Variants in TSEN15 observed in about 807,000 individuals in gnomAD.
The protein encoded by TSEN15 is tRNA-splicing endonuclease subunit Sen15.
TSEN15 carries 10 observed loss-of-function variants against 20.5 expected under a neutral mutation model. The observed-to-expected ratio is 0.49, with a 90% CI of 0.30 to 0.83. The LOEUF (loss-of-function observed/expected upper bound fraction) is 0.83, where lower values mean the gene tolerates loss of function less well. Ranked by LOEUF, TSEN15 falls within the 40% of genes least tolerant of loss-of-function variation. The probability of loss-of-function intolerance (pLI) is 0.06; values close to 1 mark genes in which losing one functional copy is unlikely to be tolerated. For missense variants in TSEN15, 180 were observed against 218.6 expected, an observed-to-expected ratio of 0.82 and a Z score of 1.11; for synonymous variants, 72 against 80.1, an observed-to-expected ratio of 0.90 and a Z score of 0.54.
chr1:184,081,163 G>A (rs1210152646), intron 3 of TSEN15, among the ~76,000 whole-genome samples: 1 of 152,178 alleles, frequency 6.6e-6, no homozygotes, highest in East Asian at 1.9e-4. Context: ...AGTGGCATGT[G>A]TTAAAAGCTT....
At chr1:184,063,504 C>G (rs533309900) in intron 3 of TSEN15, among the ~76,000 whole-genome samples, 13 of 152,260 alleles carry the variant, frequency 8.5e-5, no homozygotes, top group South Asian at 2.1e-4. Context: ...TGGTGATTTG[C>G]TTAATCTGAT....
chr1:184,075,905 TATA>T (rs1651050027), downstream of TSEN15, among the ~76,000 whole-genome samples: 1 of 99,050 alleles, frequency 1.0e-5, no homozygotes, highest in Non-Finnish European at 2.1e-5. Context: ...TATATATATA[TATA>T]TATTTTTTTT....
downstream of TSEN15, among the ~76,000 whole-genome samples, chr1:184,076,298 T>G (rs950659876): frequency 3.3e-5 from 5 of 152,084 alleles, no homozygotes; most frequent in Non-Finnish European, 7.4e-5. Context: ...TGGTGATCTG[T>G]TTTTCAGGGA....
rs537031543 is a variant in TSEN15 at position 184,056,795 on chromosome 1, T to C, written c.353+1932T>C. Among the ~76,000 whole-genome samples the C allele has an allele frequency of 1.9e-3, 296 of 152,300 alleles. 1 individual carries two copies. Among genetic ancestry groups the C allele is most frequent in the Non-Finnish European group, 2.6e-3 (178 of 67,998 alleles). On this transcript the variant is annotated intron_variant, in intron 3 of 4. Coordinates refer to ENST00000645668, the MANE Select transcript of TSEN15 (RefSeq NM_052965.4). ...CTGCTACTTTCCAAAGTTCCAAACA[T>C]GCATTAATTTGTTTCTGGGTTCTCT...
intron 3 of TSEN15, among the ~76,000 whole-genome samples, chr1:184,060,692 CA>C (rs1310786926): frequency 6.6e-6 from 1 of 152,154 alleles, no homozygotes; most frequent in Non-Finnish European, 1.5e-5. Context: ...ACTTTACATA[CA>C]AAAAGCTGAG....
intron 3 of TSEN15, among the ~76,000 whole-genome samples, chr1:184,064,751 G>A (rs959759880): frequency 6.6e-6 from 1 of 152,152 alleles, no homozygotes; most frequent in Non-Finnish European, 1.5e-5. Context: ...TCTGTTTTCT[G>A]TAATGGATAC....
intron 3 of TSEN15, among the ~76,000 whole-genome samples, chr1:184,065,041 G>T (rs12402790): frequency 0.17 from 25,324 of 152,040 alleles, 2,905 homozygotes; most frequent in African/African-American, 0.31. Context: ...TCTAAAAAAG[G>T]CATCTCAAAT....
At chr1:184,055,690 C>T (rs1007794401) in intron 3 of TSEN15, among the ~76,000 whole-genome samples, 25 of 151,764 alleles carry the variant, frequency 1.6e-4, no homozygotes, top group African/African-American at 5.8e-4. Context: ...TTTTTAGGAC[C>T]TTTTTTTAAA....
intron 3 of TSEN15, among the ~76,000 whole-genome samples, chr1:184,089,304 A>G (rs1383249073): frequency 6.6e-6 from 1 of 152,158 alleles, no homozygotes; most frequent in Non-Finnish European, 1.5e-5. Context: ...GTAACCGTCA[A>G]TGCTCTTCTG....
At chr1:184,064,150 A>G (rs746908058) in intron 3 of TSEN15, among the ~76,000 whole-genome samples, 3 of 152,150 alleles carry the variant, frequency 2.0e-5, no homozygotes, top group Non-Finnish European at 4.4e-5. Flanking sequence ...GATAAACGTA[A>G]TGACAGATAT....
At chr1:184,051,952 A>T (rs972119390) in intron 1 of TSEN15, 62 bp downstream of exon 1, 18 of 1,364,792 alleles carry the variant, frequency 1.3e-5, no homozygotes, top group Non-Finnish European at 1.4e-5. Flanking sequence ...GAACACTCCC[A>T]GGCAGCTCTC....
chr1:184,074,214 G>T (rs1222269560), downstream of TSEN15: 1 of 152,128 alleles, frequency 6.6e-6, no homozygotes, highest in African/African-American at 2.4e-5. Flanking sequence ...AAATTAAAAG[G>T]TGTCTTGAAA....
intron 3 of TSEN15, among the ~76,000 whole-genome samples, chr1:184,061,049 T>C (rs892846297): frequency 3.3e-5 from 5 of 152,236 alleles, no homozygotes; most frequent in African/African-American, 1.2e-4. Context: ...ATAGTAATAA[T>C]GGGCTTTGGC....
exon 4 of TSEN15, chr1:184,095,895 A>G (rs1651441353): frequency 2.5e-6 from 1 of 396,262 alleles, no homozygotes; most frequent in African/African-American, 2.1e-5. Context: ...CTAACGTAAA[A>G]TGCTTTGGTA....
chr1:184,065,538 C>A (rs1650623169), intron 3 of TSEN15, among the ~76,000 whole-genome samples: 1 of 152,192 alleles, frequency 6.6e-6, no homozygotes, highest in Admixed American at 6.5e-5. Flanking sequence ...CCCCCAAACA[C>A]ATCCCTGGCT....
At chr1:184,091,469 T>C (rs1050906634) in intron 3 of TSEN15, among the ~76,000 whole-genome samples, 7 of 152,114 alleles carry the variant, frequency 4.6e-5, no homozygotes, top group Non-Finnish European at 1.0e-4. Flanking sequence ...ATAATATAGT[T>C]AGTGTATACA....
intron 3 of TSEN15, among the ~76,000 whole-genome samples, chr1:184,058,814 A>G (rs915590227): frequency 6.6e-6 from 1 of 152,178 alleles, no homozygotes; most frequent in Non-Finnish European, 1.5e-5. Flanking sequence ...TTATTCAGTG[A>G]TAAAACATCT....
chr1:184,082,389 T>TA (rs1219446826), intron 3 of TSEN15, among the ~76,000 whole-genome samples: 1 of 152,146 alleles, frequency 6.6e-6, no homozygotes, highest in African/African-American at 2.4e-5. Flanking sequence ...TCCATCTAGA[T>TA]ACACTTTCCC....
chr1:184,054,142 A>G (rs1650154999), intron 1 of TSEN15, among the ~76,000 whole-genome samples: 1 of 152,206 alleles, frequency 6.6e-6, no homozygotes, highest in African/African-American at 2.4e-5. Flanking sequence ...TTACAGTCAT[A>G]TATTGTTATT....
Sources: gnomAD v4.1 joint callset for allele counts (sites outside exome capture counted in the v4.1 genomes callset) on GRCh38, gnomAD v4.1.1 for gene constraint, MANE v1.5 for transcripts, NCBI Gene and HGNC (gene_info 2026-07-23, HGNC 2026-07-21) for gene names.